Variants in EIF4G3 observed in about 807,000 individuals in gnomAD.
The protein encoded by EIF4G3 is eIF-4-gamma 3.
A neutral mutation model predicts 186.4 loss-of-function variants in EIF4G3; 34 were observed. That is an observed-to-expected ratio of 0.18 (90% CI 0.14 to 0.24). The LOEUF (loss-of-function observed/expected upper bound fraction) is 0.24, where lower values mean the gene tolerates loss of function less well. Ranked by LOEUF, EIF4G3 falls within the 10% of genes least tolerant of loss-of-function variation. The pLI is 1.00. For synonymous variants in EIF4G3, 673 were observed against 679.5 expected, an observed-to-expected ratio of 0.99 and a Z score of 0.15; for missense variants, 1,536 against 1,948.5, an observed-to-expected ratio of 0.79 and a Z score of 3.99.
chr1:21,052,645 G>C (rs1026722644), intron 3 of EIF4G3, among the ~76,000 whole-genome samples: 3 of 151,950 alleles, frequency 2.0e-5, no homozygotes, highest in Non-Finnish European at 2.9e-5. Context: ...AAGCTGGACT[G>C]TACTGCTGCC....
At chr1:20,852,909 A>G (rs987478182) in intron 27 of EIF4G3, among the ~76,000 whole-genome samples, 6 of 152,154 alleles carry the variant, frequency 3.9e-5, no homozygotes, top group Admixed American at 1.3e-4. Flanking sequence ...GCCTGATGGG[A>G]GCATCGCTTG....
intron 4 of EIF4G3, among the ~76,000 whole-genome samples, chr1:21,015,868 A>G (rs940735960): frequency 3.3e-5 from 5 of 152,230 alleles, no homozygotes; most frequent in Admixed American, 6.5e-5. Flanking sequence ...TGAAATTAAT[A>G]AGCTGAGAAA....
chr1:21,153,607 C>T (rs1035195579), intron 2 of EIF4G3, among the ~76,000 whole-genome samples: 3 of 152,152 alleles, frequency 2.0e-5, no homozygotes, highest in African/African-American at 7.2e-5. Flanking sequence ...GTAGCCCAGG[C>T]TGCAGTGCAA....
chr1:21,167,952 T>G (rs536237631), intron 2 of EIF4G3: 4 of 423,240 alleles, frequency 9.5e-6, no homozygotes, highest in Non-Finnish European at 1.9e-5. Flanking sequence ...CAAAAGATGT[T>G]TGACTTACTG....
chr1:21,117,736 T>TAAAAAAA lies in EIF4G3; in HGVS notation c.-271-28530_-271-28524dup, dbSNP rs71014156. Among the ~76,000 whole-genome samples, 80 of 73,080 alleles carry TAAAAAAA rather than the reference T, an allele frequency of 1.1e-3. 2 individuals carry two copies. The highest frequency in any genetic ancestry group is 1.2e-3 in the African/African-American group (24 of 20,834). The allele number at this position is 73,080 out of a possible 152,430, so 47.9% of individuals were successfully genotyped here. A position where few individuals can be genotyped will look rare whatever the true frequency, so the allele number is the denominator to read the frequency against. On this transcript the variant is annotated intron_variant, in intron 2 of 36. Transcript: ENST00000602326. ...GGCCTTTCACTGTCCCAGTATATAG[T>TAAAAAAA]AAAAAAAAAAAAAAAAAAAAAAAAA...
chr1:21,051,561 C>T (rs1176744296), intron 3 of EIF4G3, among the ~76,000 whole-genome samples: 1 of 152,138 alleles, frequency 6.6e-6, no homozygotes, highest in East Asian at 1.9e-4. Flanking sequence ...TCTTTAAAAA[C>T]ATATATCTGG....
intron 2 of EIF4G3, among the ~76,000 whole-genome samples, chr1:21,146,471 T>C (rs1266517599): frequency 1.3e-5 from 2 of 152,138 alleles, no homozygotes; most frequent in African/African-American, 4.8e-5. Context: ...TTAAAAAATA[T>C]TAAAATTGGC....
intron 26 of EIF4G3, among the ~76,000 whole-genome samples, chr1:20,854,691 C>A (rs545067419): frequency 6.7e-6 from 1 of 149,264 alleles, no homozygotes; most frequent in South Asian, 2.1e-4. Flanking sequence ...GGTGACAGAG[C>A]GGGATCCCAT....
rs551312765 is a variant in EIF4G3 at position 21,099,662 on chromosome 1, T to C, written c.-271-10449A>G. Among the ~76,000 whole-genome samples the C allele has an allele frequency of 2.0e-5, 3 of 152,126 alleles. No individual in the cohort carries two copies. In the East Asian group the frequency reaches 5.8e-4, roughly 29 times the overall value. On this transcript the variant is annotated intron_variant, in intron 2 of 36. Transcript: ENST00000602326. ...ATCAGTGCTTGCCAGGGCCTAGAGGTTGGGGGCAGAGTTTATCCACAAAGG... is the reference window on the plus strand; with the variant it reads ...ATCAGTGCTTGCCAGGGCCTAGAGGCTGGGGGCAGAGTTTATCCACAAAGG...
intron 4 of EIF4G3, among the ~76,000 whole-genome samples, chr1:21,009,677 C>T (rs1044988806): frequency 6.6e-5 from 10 of 151,730 alleles, no homozygotes; most frequent in Admixed American, 3.3e-4. Flanking sequence ...AGTGGGGGGA[C>T]GGAGTTTTGC....
At chr1:21,110,345 G>A (rs1223830294) in intron 2 of EIF4G3, among the ~76,000 whole-genome samples, 1 of 151,320 alleles carries the variant, frequency 6.6e-6, no homozygotes, top group Non-Finnish European at 1.5e-5. Context: ...GCCTAGGCTG[G>A]AGTGCAGTGA....
chr1:20,951,004 T>C (rs1211616133), intron 12 of EIF4G3, among the ~76,000 whole-genome samples: 1 of 152,112 alleles, frequency 6.6e-6, no homozygotes, highest in African/African-American at 2.4e-5. Flanking sequence ...GTATCTATAA[T>C]ATCCTACAAC....
At position 21,115,904 on chromosome 1, in the gene EIF4G3, G is replaced by A. The variant is rs571510210; in HGVS notation, c.-271-26691C>T. On this transcript the variant is annotated intron_variant, in intron 2 of 36. Transcript: ENST00000602326. ...CAGCTAATTTTTTTTTAAATTTTTTGTAGAGACAGGAGTCTCATCTTGTTA... is the reference window on the plus strand; with the variant it reads ...CAGCTAATTTTTTTTTAAATTTTTTATAGAGACAGGAGTCTCATCTTGTTA... Among the ~76,000 whole-genome samples the A allele has an allele frequency of 3.9e-4, 59 of 151,912 alleles. 2 individuals carry two copies. The South Asian group carries it at 0.01, about 27-fold the overall frequency.
At chr1:20,865,392 A>G in intron 20 of EIF4G3, 130 bp from the exon 21 acceptor site, 1 of 923,948 alleles carries the variant, frequency 1.1e-6, no homozygotes, top group South Asian at 1.9e-5. Flanking sequence ...GGCAAACAAT[A>G]TAGCTTCAGG....
intron 20 of EIF4G3, 42 bp downstream of exon 20, chr1:20,879,281 C>T (rs1307114414): frequency 2.0e-5 from 30 of 1,495,062 alleles, no homozygotes; most frequent in Non-Finnish European, 2.5e-5. Flanking sequence ...GGAGAATATA[C>T]CTCTTGAAGA....
At chr1:21,024,378 G>A (rs538572163) in intron 4 of EIF4G3, among the ~76,000 whole-genome samples, 5 of 152,324 alleles carry the variant, frequency 3.3e-5, no homozygotes, top group East Asian at 3.9e-4. Context: ...CAGCCACCCC[G>A]TCTGGGAGGT....
intron 4 of EIF4G3, among the ~76,000 whole-genome samples, chr1:21,016,559 CT>C (rs984999684): frequency 6.6e-6 from 1 of 152,080 alleles, no homozygotes; most frequent in African/African-American, 2.4e-5. Flanking sequence ...TGATGTACTC[CT>C]GTAGTCTCAG....
chr1:20,969,652 A>C, intron 11 of EIF4G3, 56 bp from the exon 12 acceptor site: 1 of 1,572,162 alleles, frequency 6.4e-7, no homozygotes, highest in East Asian at 2.3e-5. Context: ...TAGCAAATTT[A>C]TAGGCATATA....
At chr1:20,923,144 G>T (rs1030459583) in intron 14 of EIF4G3, among the ~76,000 whole-genome samples, 2 of 152,034 alleles carry the variant, frequency 1.3e-5, no homozygotes, top group African/African-American at 4.8e-5. Context: ...TCACTTTCTT[G>T]CCTGAATTCC....
Sources: gnomAD v4.1 joint callset for allele counts (sites outside exome capture counted in the v4.1 genomes callset) on GRCh38, gnomAD v4.1.1 for gene constraint, MANE v1.5 for transcripts, NCBI Gene and HGNC (gene_info 2026-07-23, HGNC 2026-07-21) for gene names.